The following PLCE1 variants were observed in gnomAD, a reference collection of about 807,000 sequenced individuals.
PLCE1 encodes the protein 1-phosphatidylinositol 4,5-bisphosphate phosphodiesterase epsilon-1.
Under a neutral mutation model 242.8 loss-of-function variants are expected in PLCE1, and 119 were observed. The observed-to-expected ratio is 0.49, with a 90% CI of 0.42 to 0.57. The LOEUF is 0.57. PLCE1 is among the 20% of genes least tolerant of loss of function. The pLI is 0.00. For missense variants in PLCE1, 2,441 were observed against 2,788.8 expected (o/e 0.88, Z 2.81); for synonymous variants, 945 against 1,017.4 (o/e 0.93, Z 1.35).
intron 2 of PLCE1, among the ~76,000 whole-genome samples, chr10:94,116,823 A>G (rs74151045): frequency 6.6e-6 from 1 of 152,174 alleles, no homozygotes; most frequent in Non-Finnish European, 1.5e-5. Flanking sequence ...TTCACCTTCT[A>G]AAAGAAGTGC....
At chr10:94,237,574 A>G (rs2050367430) in intron 7 of PLCE1, among the ~76,000 whole-genome samples, 1 of 152,190 alleles carries the variant, frequency 6.6e-6, no homozygotes, top group Non-Finnish European at 1.5e-5. Flanking sequence ...AGAGGAGAAA[A>G]ACACAAAAAT....
At chr10:94,011,812 CAG>C (rs2061173814) in intron 1 of PLCE1, among the ~76,000 whole-genome samples, 2 of 152,022 alleles carry the variant, frequency 1.3e-5, no homozygotes, top group Non-Finnish European at 2.9e-5. Context: ...CAGTGTAAAA[CAG>C]AGAAAAGAAA....
intron 4 of PLCE1, among the ~76,000 whole-genome samples, chr10:94,196,867 TA>T (rs770500216): frequency 2.0e-5 from 3 of 152,200 alleles, no homozygotes; most frequent in Non-Finnish European, 4.4e-5. Context: ...TACATACATT[TA>T]AAGTATACAG....
At chr10:94,176,241 G>A (rs2048122812) in intron 4 of PLCE1, among the ~76,000 whole-genome samples, 1 of 151,980 alleles carries the variant, frequency 6.6e-6, no homozygotes, top group African/African-American at 2.4e-5. Flanking sequence ...TCCACAAAAA[G>A]TACAAAAAAT....
intron 2 of PLCE1, among the ~76,000 whole-genome samples, chr10:94,055,859 A>G (rs950461236): frequency 1.5e-4 from 23 of 152,344 alleles, no homozygotes; most frequent in African/African-American, 5.1e-4. Flanking sequence ...GAGATACTCC[A>G]AGATCCCTGT....
rs868778355 is a variant in PLCE1, at chr10:94,158,878, C to T, written c.1493-12302C>T. Among the ~76,000 whole-genome samples, 573 of 70,226 alleles carry T rather than the reference C, an allele frequency of 8.2e-3. 3 individuals are homozygous for T. Among genetic ancestry groups the T allele is most frequent in the Middle Eastern group, 0.023 (2 of 86 alleles). The allele number at this position is 70,226 out of a possible 152,430, so 46.1% of individuals were successfully genotyped here. On this transcript the variant is annotated intron_variant, in intron 3 of 32. Coordinates refer to ENST00000371380, the MANE Select transcript of PLCE1 (RefSeq NM_016341.4). ...TCTTTTTTTTTTTTTTTTTTTGAGA[C>T]GGAGTTTCGCTCTTGTTGCCCAGGC...
At chr10:94,288,216 A>T (rs948488424) in intron 22 of PLCE1, among the ~76,000 whole-genome samples, 2 of 152,034 alleles carry the variant, frequency 1.3e-5, no homozygotes, top group African/African-American at 4.8e-5. Context: ...GTAGTTTTTC[A>T]TCCCTCACCT....
chr10:94,031,245 A>G lies in PLCE1; in HGVS notation c.199A>G (p.Ser67Gly), dbSNP rs2061550828. ...LNKLKEEPSGSNLPKILSIAR... is the reference protein window; with the variant it reads ...LNKLKEEPSGGNLPKILSIAR... ...CAAACTTAAAGAAGAACCTTCTGGA[A>G]GCAACTTGCCAAAGATTCTCTCAAT... Residue 67 changes from serine (S) to glycine (G), a missense_variant, in exon 2 of 33, where the codon AGC (serine) becomes GGC (glycine). Physicochemically the swap from Ser to Gly is moderately conservative, Grantham distance 56. Coordinates refer to ENST00000371380, the MANE Select transcript of PLCE1 (RefSeq NM_016341.4). The G allele has an allele frequency of 6.2e-7, 1 of 1,613,778 alleles. No individual in the cohort carries two copies. The highest frequency in any genetic ancestry group is 8.5e-7 in the Non-Finnish European group (1 of 1,179,884).
intron 24 of PLCE1, among the ~76,000 whole-genome samples, chr10:94,301,137 G>A (rs995052426): frequency 2.6e-5 from 4 of 151,644 alleles, no homozygotes; most frequent in Non-Finnish European, 4.4e-5. Context: ...CTGAGGTCAG[G>A]AGTTCAAGAC....
chr10:94,181,700 G>A (rs1023334302), intron 4 of PLCE1, among the ~76,000 whole-genome samples: 1 of 152,174 alleles, frequency 6.6e-6, no homozygotes, highest in Non-Finnish European at 1.5e-5. Flanking sequence ...CTTGAGTCCA[G>A]GAGTTCAAGA....
At chr10:94,255,904 ACACACACACACTCTCTCTCTCT>A (rs1320898405) in intron 11 of PLCE1, among the ~76,000 whole-genome samples, 55 of 98,890 alleles carry the variant, frequency 5.6e-4, no homozygotes, top group African/African-American at 2.0e-3. Context: ...ACACACACAC[ACACACACACACTCTCTCTCTCT>A]CTCTCTCTCT....
chr10:94,270,634 G>T (rs1246086487), intron 18 of PLCE1, 32 bp downstream of exon 18: 1 of 1,261,398 alleles, frequency 7.9e-7, no homozygotes, highest in Non-Finnish European at 1.2e-6. Flanking sequence ...AGGATGGTAT[G>T]TTGGCCCTTG....
Position 94,049,306 on chromosome 10 carries a change from G to A in PLCE1, c.1206+17054G>A, listed in dbSNP as rs1378983108. 4.6e-5 allele frequency among the ~76,000 whole-genome samples: 7 copies of A among 151,906 alleles called. No homozygotes were observed. The East Asian group carries it at 7.7e-4, about 17-fold the overall frequency. On this transcript the variant is annotated intron_variant, in intron 2 of 32. Transcript: ENST00000371380. Reference sequence around the variant, plus strand: ...GCTTTAAAGTTTTATTTTTGACATCGAATTCCCTAACCCATTTAAATCTTT... The same window carrying A: ...GCTTTAAAGTTTTATTTTTGACATCAAATTCCCTAACCCATTTAAATCTTT...
At chr10:94,214,062 G>A (rs577559702) in intron 4 of PLCE1, among the ~76,000 whole-genome samples, 3 of 152,194 alleles carry the variant, frequency 2.0e-5, no homozygotes, top group Non-Finnish European at 4.4e-5. Context: ...GCAGAGCCAA[G>A]AAATGAACCT....
rs1190259449 is a variant in PLCE1 at position 94,298,763 on chromosome 10, C to A, written c.5458+94C>A. 3 of 1,229,056 alleles carry A rather than the reference C, an allele frequency of 2.4e-6. No homozygotes were observed. The highest frequency in any genetic ancestry group is 3.6e-6 in the Non-Finnish European group (3 of 834,242). The allele number at this position is 1,229,056 out of a possible 1,614,324, so 76.1% of individuals were successfully genotyped here. ...TTTTTCAAAGGGGCAAGATTCCAGACTGGGGCACACCATATGTGAGAGTAA... is the reference window on the plus strand; with the variant it reads ...TTTTTCAAAGGGGCAAGATTCCAGAATGGGGCACACCATATGTGAGAGTAA... On this transcript the variant is annotated intron_variant, in intron 24 of 32. Transcript: ENST00000371380. This position sits in a 1 kb window ranked among gnomAD's most constrained non-coding sequence, Gnocchi z 5.2.
intron 2 of PLCE1, among the ~76,000 whole-genome samples, chr10:94,062,955 C>T (rs76531987): frequency 4.3e-4 from 66 of 152,262 alleles, no homozygotes; most frequent in South Asian, 1.5e-3. Flanking sequence ...ATCCTTTCAT[C>T]TCCTCTCTTT....
At chr10:94,245,332 C>T (rs557014107) in intron 7 of PLCE1, among the ~76,000 whole-genome samples, 8 of 151,990 alleles carry the variant, frequency 5.3e-5, no homozygotes, top group South Asian at 2.1e-4. Context: ...GTATTTAACA[C>T]GGTTCCTGAC....
At chr10:94,324,642 G>A (rs1464536760) in intron 31 of PLCE1, 75 bp downstream of exon 31, 1 of 1,279,664 alleles carries the variant, frequency 7.8e-7, no homozygotes, top group South Asian at 1.2e-5. Context: ...AGATCTGGAA[G>A]CTGGTGAAAT....
At chr10:94,128,714 A>T (rs1055844957) in intron 2 of PLCE1, among the ~76,000 whole-genome samples, 1 of 152,216 alleles carries the variant, frequency 6.6e-6, no homozygotes, top group African/African-American at 2.4e-5. Context: ...CACACAGAGG[A>T]CACATTGGAG....
Sources: allele counts gnomAD v4.1 joint callset (sites outside exome capture counted in the v4.1 genomes callset), GRCh38; gene constraint gnomAD v4.1.1; non-coding constraint Gnocchi (gnomAD v3.1); transcripts MANE v1.5; gene names NCBI Gene and HGNC (gene_info 2026-07-23, HGNC 2026-07-21).